AFF2: variants seen among roughly 807,000 people sequenced by gnomAD.
AFF2 encodes the protein ALF transcription elongation factor 2, also known as AF4/FMR2 family member 2.
AFF2 carries 14 observed loss-of-function variants against 76.9 expected under a neutral mutation model. The observed-to-expected ratio is 0.18, with a 90% CI of 0.12 to 0.28. The LOEUF (loss-of-function observed/expected upper bound fraction) is 0.28, where lower values mean the gene tolerates loss of function less well. Ranked by LOEUF, AFF2 falls within the 10% of genes least tolerant of loss-of-function variation. AFF2 has a pLI of 1.00. For missense variants in AFF2, 868 were observed against 1,001.1 expected (o/e 0.87, Z 1.79); for synonymous variants, 398 against 366.7 (o/e 1.09, Z -0.98).
chrX:148,599,130 A>G lies in AFF2; in HGVS notation c.48-52869A>G, dbSNP rs186774151. Among the ~76,000 whole-genome samples the G allele has an allele frequency of 2.8e-3, 315 of 112,306 alleles. 3 individuals are homozygous for G. Among genetic ancestry groups the G allele is most frequent in the Non-Finnish European group, 4.7e-3 (250 of 53,262 alleles). ...CTGAAGGAAATGCAATCATGTGCTTATTGTGACCCTGTGAAATGAATATAA... is the reference window on the plus strand; with the variant it reads ...CTGAAGGAAATGCAATCATGTGCTTGTTGTGACCCTGTGAAATGAATATAA... On this transcript the variant is annotated intron_variant, in intron 1 of 20. Coordinates refer to ENST00000370460, the MANE Select transcript of AFF2 (RefSeq NM_002025.4).
In AFF2 at chrX:148,746,011, G is replaced by A. The variant is rs2055417115; in HGVS notation, c.1042-63865G>A. On this transcript the variant is annotated intron_variant, in intron 3 of 20. Coordinates refer to ENST00000370460, the MANE Select transcript of AFF2 (RefSeq NM_002025.4). ...ACCCGCCTCAGCCTTCCTAAGTGCT[G>A]GGATTACAGTTGTGAGCCACCGCGC... Among the ~76,000 whole-genome samples the A allele has an allele frequency of 2.7e-5, 3 of 111,487 alleles. No homozygotes were observed. In the South Asian group the frequency reaches 1.1e-3, roughly 42 times the overall value.
At chrX:148,697,839 G>C (rs1488862576) in intron 3 of AFF2, among the ~76,000 whole-genome samples, 1 of 111,710 alleles carries the variant, frequency 9.0e-6, no homozygotes, top group African/African-American at 3.3e-5. Context: ...TTTTCTACAT[G>C]GAAAATGATT....
In AFF2 at chrX:148,812,062, C is replaced by T. The variant is rs181333164; in HGVS notation, c.1086+2142C>T. The stretch of plus-strand genomic sequence containing the variant: ...AAAGAATGTTTCATTCCCCATGCTT[C>T]GAATAAAAATAAGCTTTCTGAAATT... On this transcript the variant is annotated intron_variant, in intron 4 of 20. Transcript: ENST00000370460. Among the ~76,000 whole-genome samples the T allele has an allele frequency of 4.8e-3, 526 of 109,779 alleles. 1 individual carries two copies. Among genetic ancestry groups the T allele is most frequent in the Non-Finnish European group, 6.8e-3 (360 of 52,626 alleles).
chrX:148,915,447 G>A (rs1297742270), intron 9 of AFF2, among the ~76,000 whole-genome samples: 2 of 111,895 alleles, frequency 1.8e-5, no homozygotes, highest in Non-Finnish European at 3.8e-5. Flanking sequence ...ACTGTCTTCT[G>A]CACCTCTCAG....
chrX:148,531,905 T>A (rs1337520228), intron 1 of AFF2, among the ~76,000 whole-genome samples: 1 of 33,169 alleles, frequency 3.0e-5, no homozygotes, highest in Non-Finnish European at 4.4e-5. Context: ...ATTATCTTTT[T>A]TTTAAAAAAA....
chrX:148,802,247 C>T (rs1280467919), intron 3 of AFF2, among the ~76,000 whole-genome samples: 1 of 111,932 alleles, frequency 8.9e-6, no homozygotes, highest in Non-Finnish European at 1.9e-5. Flanking sequence ...GATCGCATAA[C>T]CCGGTGACCA....
chrX:148,903,142 T>C (rs2071371982), intron 8 of AFF2, among the ~76,000 whole-genome samples: 1 of 111,749 alleles, frequency 8.9e-6, no homozygotes, highest in Non-Finnish European at 1.9e-5. Context: ...AGATACTTTT[T>C]TAAAGGATCT....
intron 3 of AFF2, among the ~76,000 whole-genome samples, chrX:148,786,078 T>C (rs1176253937): frequency 6.3e-5 from 7 of 111,963 alleles, no homozygotes; most frequent in African/African-American, 2.3e-4. Flanking sequence ...GCACCATGCC[T>C]AGCCCATATT....
intron 4 of AFF2, among the ~76,000 whole-genome samples, chrX:148,828,818 G>C (rs1446793031): frequency 8.9e-6 from 1 of 112,262 alleles, no homozygotes; most frequent in Non-Finnish European, 1.9e-5. Context: ...GTATTCAGTG[G>C]GTGAAATGGA....
intron 3 of AFF2, among the ~76,000 whole-genome samples, chrX:148,770,796 G>A (rs1323314201): frequency 8.9e-6 from 1 of 112,099 alleles, no homozygotes; most frequent in Admixed American, 9.4e-5. Flanking sequence ...TTAATATGGT[G>A]TAAATGTATT....
chrX:148,673,538 A>T (rs1456342865), intron 3 of AFF2, among the ~76,000 whole-genome samples: 2 of 111,833 alleles, frequency 1.8e-5, no homozygotes, highest in East Asian at 5.6e-4. Context: ...CTTATATCCC[A>T]GATGATTCAT....
intron 1 of AFF2, among the ~76,000 whole-genome samples, chrX:148,581,108 C>T (rs1233318187): frequency 1.3e-5 from 1 of 79,825 alleles, no homozygotes; most frequent in Non-Finnish European, 2.3e-5. Context: ...TATATATACA[C>T]ATACGTATAC....
intron 1 of AFF2, among the ~76,000 whole-genome samples, chrX:148,649,957 C>A (rs782179591): frequency 1.8e-5 from 2 of 111,475 alleles, no homozygotes; most frequent in East Asian, 5.7e-4. Context: ...TCGCATTACT[C>A]AGAAGGAAAA....
In AFF2 at chrX:148,991,392, T is replaced by C; in HGVS notation, c.*60T>C. ...CACTCTACCTCTACCAGCGCACTGA[T>C]GGTCACTGGTGGAACTCCACTCACT... On this transcript the variant is annotated 3_prime_UTR_variant, in exon 21 of 21. Transcript: ENST00000370460. 1 of 1,085,035 alleles carries C rather than the reference T, an allele frequency of 9.2e-7. No individual in the cohort carries two copies. The highest frequency in any genetic ancestry group is 1.2e-6 in the Non-Finnish European group (1 of 815,926). The allele number at this position is 1,085,035 out of a possible 1,213,427, so 89.4% of individuals were successfully genotyped here.
intron 9 of AFF2, among the ~76,000 whole-genome samples, chrX:148,909,226 T>C (rs985539685): frequency 1.8e-5 from 2 of 112,287 alleles, no homozygotes; most frequent in Middle Eastern, 9.2e-3. Flanking sequence ...ATGAGATCCA[T>C]TGACAGGGCA....
intron 1 of AFF2, among the ~76,000 whole-genome samples, chrX:148,574,371 G>A (rs2053262603): frequency 9.0e-6 from 1 of 111,246 alleles, no homozygotes; most frequent in African/African-American, 3.3e-5. Context: ...CTCTATAAGG[G>A]TTGGTGTCGA....
intron 3 of AFF2, among the ~76,000 whole-genome samples, chrX:148,733,176 G>C (rs1290522059): frequency 1.8e-5 from 2 of 111,725 alleles, no homozygotes; most frequent in African/African-American, 6.5e-5. Context: ...ATAAAAATTA[G>C]TTATTTTGAC....
intron 3 of AFF2, among the ~76,000 whole-genome samples, chrX:148,718,022 GTT>G (rs3067311): frequency 1.1e-3 from 107 of 100,297 alleles, no homozygotes; most frequent in African/African-American, 3.7e-3. Flanking sequence ...TTTCCCCTTA[GTT>G]TTTTTTTTTT....
At chrX:148,571,749 C>T (rs1469472604) in intron 1 of AFF2, among the ~76,000 whole-genome samples, 3 of 111,049 alleles carry the variant, frequency 2.7e-5, no homozygotes, top group Non-Finnish European at 5.7e-5. Flanking sequence ...GGTTCATTGT[C>T]CTAAGGACAG....
Sources: allele counts gnomAD v4.1 joint callset (sites outside exome capture counted in the v4.1 genomes callset), GRCh38; gene constraint gnomAD v4.1.1; transcripts MANE v1.5; gene names NCBI Gene and HGNC (gene_info 2026-07-23, HGNC 2026-07-21).